Variants in CADM1 observed in about 807,000 individuals in gnomAD.
CADM1 encodes TSLC-1.
A neutral mutation model predicts 53.1 loss-of-function variants in CADM1; 15 were observed. The observed-to-expected ratio is 0.28, with a 90% CI of 0.19 to 0.44. The LOEUF is 0.44. Ranked by LOEUF, CADM1 falls within the 20% of genes least tolerant of loss-of-function variation. The probability of loss-of-function intolerance (pLI) is 1.00; values close to 1 mark genes in which losing one functional copy is unlikely to be tolerated. For missense variants in CADM1, 434 were observed against 611.3 expected, an observed-to-expected ratio of 0.71 and a Z score of 3.06; for synonymous variants, 281 against 243.0, an observed-to-expected ratio of 1.16 and a Z score of -1.45.
intron 8 of CADM1, among the ~76,000 whole-genome samples, chr11:115,199,630 C>G (rs1284391152): frequency 1.3e-5 from 2 of 152,208 alleles, no homozygotes; most frequent in Non-Finnish European, 2.9e-5. Context: ...CACCACTCTT[C>G]TAGTCAACCT....
intron 3 of CADM1, among the ~76,000 whole-genome samples, chr11:115,236,758 A>G (rs1224614326): frequency 6.6e-6 from 1 of 152,224 alleles, no homozygotes; most frequent in African/African-American, 2.4e-5. Flanking sequence ...AAAAAATTTA[A>G]AACAAAAGCA....
At chr11:115,326,060 A>C (rs192862488) in intron 1 of CADM1, among the ~76,000 whole-genome samples, 15 of 152,328 alleles carry the variant, frequency 9.8e-5, no homozygotes, top group African/African-American at 3.1e-4. Flanking sequence ...CAAATTAAAT[A>C]CTATGCACAA....
intron 1 of CADM1, among the ~76,000 whole-genome samples, chr11:115,267,850 G>A (rs1004239813): frequency 6.6e-6 from 1 of 151,698 alleles, no homozygotes; most frequent in African/African-American, 2.4e-5. Flanking sequence ...TCAGATTCAG[G>A]AACAGCCCCC....
intron 1 of CADM1, among the ~76,000 whole-genome samples, chr11:115,498,272 G>A (rs951032602): frequency 6.6e-6 from 1 of 152,086 alleles, no homozygotes; most frequent in Non-Finnish European, 1.5e-5. Flanking sequence ...ACAGAATAGC[G>A]GCTGAAATTA....
intron 9 of CADM1, among the ~76,000 whole-genome samples, chr11:115,194,835 G>T (rs541802628): frequency 6.6e-6 from 1 of 152,272 alleles, no homozygotes; most frequent in Non-Finnish European, 1.5e-5. Flanking sequence ...GGGACACACA[G>T]GGCAGAAGGA....
intron 1 of CADM1, among the ~76,000 whole-genome samples, chr11:115,355,239 GA>G (rs1213722692): frequency 6.6e-6 from 1 of 152,170 alleles, no homozygotes; most frequent in Admixed American, 6.5e-5. Flanking sequence ...ATTGGATAAA[GA>G]AAATGTGGTA....
At chr11:115,187,489 C>A (rs925747150) in intron 10 of CADM1, among the ~76,000 whole-genome samples, 1 of 152,112 alleles carries the variant, frequency 6.6e-6, no homozygotes, top group Non-Finnish European at 1.5e-5. Flanking sequence ...AGTACAGCGG[C>A]GTCATCTCGG....
intron 1 of CADM1, among the ~76,000 whole-genome samples, chr11:115,295,545 T>A (rs1944050586): frequency 1.6e-5 from 1 of 62,066 alleles, no homozygotes; most frequent in East Asian, 8.2e-4. Context: ...TATATATATA[T>A]ATATAATATA....
Position 115,201,562 on chromosome 11 carries a change from A to G in CADM1, c.1079-3124T>C, listed in dbSNP as rs181325516. On this transcript the variant is annotated intron_variant, in intron 8 of 11. Coordinates refer to ENST00000331581, the MANE Select transcript of CADM1 (RefSeq NM_001301043.2). ...ACCCTGTGAATCAACTTGTGTGGTG[A>G]CCATATTGTTGGGTAACATTCTAAG... is the stretch of plus-strand genomic sequence containing the variant. Among the ~76,000 whole-genome samples the G allele has an allele frequency of 1.9e-3, 295 of 152,316 alleles. 3 individuals are homozygous for G. The highest frequency in any genetic ancestry group is 5.1e-4 in the Non-Finnish European group (35 of 68,034).
At chr11:115,310,649 T>C (rs1192301795) in intron 1 of CADM1, among the ~76,000 whole-genome samples, 1 of 152,144 alleles carries the variant, frequency 6.6e-6, no homozygotes, top group South Asian at 2.1e-4. Flanking sequence ...GTGACACCTA[T>C]GGCAGCTGGA....
chr11:115,340,638 A>G (rs1350191512), intron 1 of CADM1, among the ~76,000 whole-genome samples: 1 of 34,258 alleles, frequency 2.9e-5, no homozygotes, highest in African/African-American at 1.1e-4. Context: ...ATATATATAT[A>G]TATATATATA....
At chr11:115,216,251 T>C (rs1591612767) in intron 6 of CADM1, among the ~76,000 whole-genome samples, 1 of 152,242 alleles carries the variant, frequency 6.6e-6, no homozygotes, top group Non-Finnish European at 1.5e-5. Flanking sequence ...CACACAACCA[T>C]ATACTGGTTC....
rs220852 is a variant in CADM1, at chr11:115,436,567, T to C, written c.124+67704A>G. On this transcript the variant is annotated intron_variant, in intron 1 of 11. Coordinates refer to ENST00000331581, the MANE Select transcript of CADM1 (RefSeq NM_001301043.2). The stretch of plus-strand genomic sequence containing the variant: ...AGGTAATAACAATTACAACAAAATA[T>C]GTGGTTTACTCTGTCCACTTAATTC... Among the ~76,000 whole-genome samples, 935 of 152,294 alleles carry C rather than the reference T, an allele frequency of 6.1e-3. 12 individuals are homozygous for C. Among genetic ancestry groups the C allele is most frequent in the African/African-American group, 0.021 (858 of 41,580 alleles).
At chr11:115,485,813 G>A (rs1168556967) in intron 1 of CADM1, among the ~76,000 whole-genome samples, 1 of 152,160 alleles carries the variant, frequency 6.6e-6, no homozygotes, top group East Asian at 1.9e-4. Context: ...CTTTGCAGAT[G>A]ACTTTCAAAT....
chr11:115,372,755 G>C (rs1946339285), intron 1 of CADM1, among the ~76,000 whole-genome samples: 1 of 152,154 alleles, frequency 6.6e-6, no homozygotes, highest in Admixed American at 6.5e-5. Flanking sequence ...TCTACTCTAA[G>C]AGAGAGAAGT....
chr11:115,193,465 C>G (rs1939993476), intron 9 of CADM1, among the ~76,000 whole-genome samples: 1 of 152,126 alleles, frequency 6.6e-6, no homozygotes, highest in Non-Finnish European at 1.5e-5. Flanking sequence ...GAGTATTTAA[C>G]TTTTTCATGG....
intron 1 of CADM1, among the ~76,000 whole-genome samples, chr11:115,388,668 T>C (rs951363830): frequency 2.9e-4 from 44 of 152,116 alleles, no homozygotes; most frequent in Admixed American, 3.3e-4. Context: ...ACAGCCTTAA[T>C]CTCATCATGA....
intron 8 of CADM1, among the ~76,000 whole-genome samples, chr11:115,201,669 GC>G (rs1668412354): frequency 6.6e-6 from 1 of 151,956 alleles, no homozygotes; most frequent in African/African-American, 2.4e-5. Flanking sequence ...ATGTCTAATT[GC>G]CCTAACAAAG....
chr11:115,285,162 C>T (rs1301550252), intron 1 of CADM1, among the ~76,000 whole-genome samples: 1 of 152,140 alleles, frequency 6.6e-6, no homozygotes, highest in South Asian at 2.1e-4. Context: ...TTTATACAGT[C>T]GAAGGACTCA....
Sources: gnomAD v4.1 joint callset for allele counts (sites outside exome capture counted in the v4.1 genomes callset) on GRCh38, gnomAD v4.1.1 for gene constraint, MANE v1.5 for transcripts, NCBI Gene and HGNC (gene_info 2026-07-23, HGNC 2026-07-21) for gene names.